Variants in MAST4 observed in about 807,000 individuals in gnomAD.
MAST4 encodes microtubule associated serine/threonine kinase family member 4.
A neutral mutation model predicts 162.7 loss-of-function variants in MAST4; 89 were observed. The ratio of observed to expected loss-of-function variants is 0.55; its 90% CI spans 0.46 to 0.65. The LOEUF (loss-of-function observed/expected upper bound fraction) is 0.65. MAST4 is among the 30% of genes least tolerant of loss of function. The pLI, the probability that MAST4 is intolerant of heterozygous loss-of-function variation, is 0.00. For missense variants in MAST4, 3,153 were observed against 3,374.0 expected (o/e 0.93, Z 1.62); for synonymous variants, 1,479 against 1,361.1 (o/e 1.09, Z -1.91).
At chr5:66,710,493 C>G (rs76631515) in intron 1 of MAST4, among the ~76,000 whole-genome samples, 2,797 of 152,172 alleles carry the variant, frequency 0.018, 85 homozygotes, top group African/African-American at 0.062. Flanking sequence ...GGTCTATAGA[C>G]GCACGTTACA....
intron 4 of MAST4, among the ~76,000 whole-genome samples, chr5:67,012,603 C>T (rs545148785): frequency 6.6e-6 from 1 of 152,188 alleles, no homozygotes; most frequent in Admixed American, 6.5e-5. Flanking sequence ...ATAAAATTGT[C>T]TACTAAAAGT....
chr5:67,111,374 A>G (rs1272630852), intron 11 of MAST4, among the ~76,000 whole-genome samples: 1 of 152,354 alleles, frequency 6.6e-6, no homozygotes, highest in East Asian at 1.9e-4. Context: ...TCGCAGCACC[A>G]TAAATACGTA....
rs140537376 is a variant in MAST4, at chr5:66,711,358, T to G, written c.364-48351T>G. Among the ~76,000 whole-genome samples the G allele has an allele frequency of 6.5e-3, 992 of 152,354 alleles. 2 individuals carry two copies. The highest frequency in any genetic ancestry group is 0.03 in the South Asian group (143 of 4,830). Reference sequence around the variant, plus strand: ...AAATCAAGGTATTGGCAGGGCTCATTCCTTTTGCAGGGTCTGGGAGAAGAA... The same window carrying G: ...AAATCAAGGTATTGGCAGGGCTCATGCCTTTTGCAGGGTCTGGGAGAAGAA... On this transcript the variant is annotated intron_variant, in intron 1 of 28. Transcript: ENST00000403625.
chr5:66,708,924 G>A (rs962401834), intron 1 of MAST4, among the ~76,000 whole-genome samples: 2 of 151,998 alleles, frequency 1.3e-5, no homozygotes, highest in African/African-American at 4.8e-5. Flanking sequence ...AAAATCAGTC[G>A]GTAATAAGAA....
chr5:66,769,266 G>A (rs180854229), intron 2 of MAST4, among the ~76,000 whole-genome samples: 97 of 152,222 alleles, frequency 6.4e-4, no homozygotes, highest in African/African-American at 2.0e-3. Flanking sequence ...AGGAATGAGA[G>A]GCAGTTTTAG....
At chr5:66,845,950 T>G (rs1252661822) in intron 3 of MAST4, among the ~76,000 whole-genome samples, 1 of 152,172 alleles carries the variant, frequency 6.6e-6, no homozygotes, top group Non-Finnish European at 1.5e-5. Context: ...ACATAACATT[T>G]ATTGAACTTC....
intron 6 of MAST4, among the ~76,000 whole-genome samples, chr5:67,095,210 G>A (rs1764311576): frequency 6.6e-6 from 1 of 152,306 alleles, no homozygotes; most frequent in Middle Eastern, 3.4e-3. Context: ...CATGCTGGAA[G>A]TTAGCCCCTT....
At chr5:66,955,750 G>T (rs1374266608) in intron 4 of MAST4, among the ~76,000 whole-genome samples, 1 of 152,016 alleles carries the variant, frequency 6.6e-6, no homozygotes, top group Non-Finnish European at 1.5e-5. Context: ...AAAATGATTG[G>T]CTAGTTTTAT....
chr5:66,795,068 A>G (rs1431271905), intron 3 of MAST4, among the ~76,000 whole-genome samples: 1 of 152,178 alleles, frequency 6.6e-6, no homozygotes, highest in Non-Finnish European at 1.5e-5. Flanking sequence ...TATTATATCA[A>G]TACTTCATTA....
chr5:67,054,064 C>T lies in MAST4; in HGVS notation c.675-340C>T, dbSNP rs990126637. Reference sequence around the variant, plus strand: ...TTTTGTATTAGAAATTTTGTGTCAACAAAGATGCTACCTGTGGTTTGCTGA... The same window carrying T: ...TTTTGTATTAGAAATTTTGTGTCAATAAAGATGCTACCTGTGGTTTGCTGA... On this transcript the variant is annotated intron_variant, in intron 4 of 28. Coordinates refer to ENST00000403625, the MANE Select transcript of MAST4 (RefSeq NM_001164664.2). Among the ~76,000 whole-genome samples the T allele has an allele frequency of 2.6e-5, 4 of 152,178 alleles. No homozygotes were observed. The East Asian group carries it at 7.7e-4, about 29-fold the overall frequency.
chr5:66,851,985 A>G (rs1443944073), intron 3 of MAST4, among the ~76,000 whole-genome samples: 3 of 152,160 alleles, frequency 2.0e-5, no homozygotes, highest in African/African-American at 7.2e-5. Context: ...ATGAATAGTA[A>G]TTTCCATGAA....
chr5:66,933,778 T>G (rs180880015), intron 4 of MAST4, among the ~76,000 whole-genome samples: 37 of 152,358 alleles, frequency 2.4e-4, no homozygotes, highest in African/African-American at 8.2e-4. Context: ...ATTTAAATAA[T>G]GTATGAATGT....
intron 3 of MAST4, among the ~76,000 whole-genome samples, chr5:66,872,585 C>T (rs926032189): frequency 1.3e-5 from 2 of 152,154 alleles, no homozygotes; most frequent in African/African-American, 4.8e-5. Flanking sequence ...GCATCCCTTC[C>T]CGCCGAGCCG....
chr5:66,828,864 A>G, intron 3 of MAST4: 1 of 1,606,424 alleles, frequency 6.2e-7, no homozygotes, highest in East Asian at 2.2e-5. Flanking sequence ...CCAGCATTCT[A>G]AGACGAAGAG....
chr5:66,615,785 G>A (rs1039493671), intron 1 of MAST4, among the ~76,000 whole-genome samples: 3 of 152,158 alleles, frequency 2.0e-5, no homozygotes, highest in African/African-American at 7.2e-5. Flanking sequence ...TGCAATCTGG[G>A]CAACAGAGCG....
intron 3 of MAST4, among the ~76,000 whole-genome samples, chr5:66,896,312 A>G (rs1360204559): frequency 1.3e-5 from 2 of 152,214 alleles, no homozygotes; most frequent in East Asian, 3.8e-4. Flanking sequence ...TCATCACATC[A>G]TATCAGAGGA....
intron 6 of MAST4, among the ~76,000 whole-genome samples, chr5:67,095,083 G>C (rs1764294314): frequency 6.6e-6 from 1 of 152,184 alleles, no homozygotes; most frequent in African/African-American, 2.4e-5. Context: ...TCAGGCCTGA[G>C]CCAGCCATGA....
At chr5:66,758,313 G>T (rs993952994) in intron 1 of MAST4, among the ~76,000 whole-genome samples, 8 of 151,704 alleles carry the variant, frequency 5.3e-5, no homozygotes, top group African/African-American at 1.9e-4. Flanking sequence ...CAACTAACTT[G>T]GGAAGGGTTG....
chr5:66,899,978 A>G lies in MAST4; in HGVS notation c.670A>G (p.Ser224Gly). The G allele has an allele frequency of 6.6e-7, 1 of 1,515,280 alleles. No individual in the cohort carries two copies. Among genetic ancestry groups the G allele is most frequent in the Non-Finnish European group, 8.8e-7 (1 of 1,132,834 alleles). The allele number at this position is 1,515,280 out of a possible 1,614,324, so 93.9% of individuals were successfully genotyped here. A position where few individuals can be genotyped will look rare whatever the true frequency, so the allele number is the denominator to read the frequency against. ...LKELSLPRRGSFCRTSNRKSL... is the reference protein window; with the variant it reads ...LKELSLPRRGGFCRTSNRKSL... ...GGAGCTGAGTCTCCCCAGAAGAGGA[A>G]GTTTGTAAGTAGTAGTATTTTGTTT... is the stretch of plus-strand genomic sequence containing the variant. The change falls in exon 4 of 29, where the codon AGT (serine) becomes GGT (glycine). Residue 224 changes from serine to glycine, a missense_variant. Physicochemically the swap from Ser to Gly is moderately conservative, Grantham distance 56. This residue lies in a region of MAST4 where 327 missense variants were observed against 336.5 expected (regional missense o/e 0.97). Coordinates refer to ENST00000403625, the MANE Select transcript of MAST4 (RefSeq NM_001164664.2).
Sources: allele counts gnomAD v4.1 joint callset (sites outside exome capture counted in the v4.1 genomes callset), GRCh38; gene constraint gnomAD v4.1.1; regional missense constraint gnomAD v4.1.1; transcripts MANE v1.5; gene names NCBI Gene and HGNC (gene_info 2026-07-23, HGNC 2026-07-21).